The following GABRB1 variants were observed in gnomAD, a reference collection of about 807,000 sequenced individuals.
GABRB1 encodes the protein gamma-aminobutyric acid receptor subunit beta-1.
A neutral mutation model predicts 51.6 loss-of-function variants in GABRB1; 17 were observed. That is an observed-to-expected ratio of 0.33 (90% CI 0.23 to 0.49). The LOEUF (loss-of-function observed/expected upper bound fraction) is 0.49. Ranked by LOEUF, GABRB1 falls within the 20% of genes least tolerant of loss-of-function variation. The pLI is 0.99. For synonymous variants in GABRB1, 247 were observed against 218.9 expected (o/e 1.13, Z -1.14); for missense variants, 410 against 600.6 (o/e 0.68, Z 3.32).
At chr4:47,400,405 A>G (rs1239442019) in intron 5 of GABRB1, among the ~76,000 whole-genome samples, 2 of 151,860 alleles carry the variant, frequency 1.3e-5, no homozygotes, top group African/African-American at 2.4e-5. Context: ...CCTTATATGC[A>G]TTGTTATTTT....
At chr4:47,365,628 T>C (rs1354612559) in intron 5 of GABRB1, among the ~76,000 whole-genome samples, 1 of 152,182 alleles carries the variant, frequency 6.6e-6, no homozygotes, top group African/African-American at 2.4e-5. Flanking sequence ...TGGGCTTGTT[T>C]ACTCCGTGTC....
chr4:47,081,014 G>T (rs1022768955), intron 3 of GABRB1, among the ~76,000 whole-genome samples: 3 of 152,076 alleles, frequency 2.0e-5, no homozygotes, highest in African/African-American at 7.2e-5. Context: ...TCCAGAATCT[G>T]GGATAAAAAA....
chr4:47,059,499 A>G (rs1726758485), intron 3 of GABRB1, among the ~76,000 whole-genome samples: 1 of 152,190 alleles, frequency 6.6e-6, no homozygotes, highest in South Asian at 2.1e-4. Flanking sequence ...TGACAAATTC[A>G]TAGATGTAGC....
At chr4:47,209,429 A>C (rs1382014668) in intron 4 of GABRB1, among the ~76,000 whole-genome samples, 1 of 152,148 alleles carries the variant, frequency 6.6e-6, no homozygotes, top group Non-Finnish European at 1.5e-5. Context: ...TTAGACTCAA[A>C]TTTGATTCTA....
chr4:47,005,524 G>A (rs1229456713), intron 1 of GABRB1, among the ~76,000 whole-genome samples: 14 of 151,974 alleles, frequency 9.2e-5, no homozygotes, highest in Admixed American at 9.2e-4. Context: ...TGTGGTTTGA[G>A]CACAGTATCT....
At chr4:47,317,499 C>T (rs1025353680) in intron 4 of GABRB1, among the ~76,000 whole-genome samples, 2 of 151,740 alleles carry the variant, frequency 1.3e-5, no homozygotes, top group African/African-American at 4.8e-5. Flanking sequence ...ACAAAAGATA[C>T]ACTTAATAAA....
intron 4 of GABRB1, among the ~76,000 whole-genome samples, chr4:47,293,542 C>G (rs1229352376): frequency 1.3e-5 from 2 of 152,012 alleles, no homozygotes; most frequent in East Asian, 3.9e-4. Flanking sequence ...GTTTTAAATG[C>G]AAAAGATATC....
intron 8 of GABRB1, among the ~76,000 whole-genome samples, chr4:47,408,934 A>G (rs1728666986): frequency 6.6e-6 from 1 of 152,348 alleles, no homozygotes; most frequent in East Asian, 1.9e-4. Context: ...ATACTCAAAG[A>G]TAAGTACAAT....
rs1408228033 is a variant in GABRB1, at chr4:47,111,101, T to C, written c.241-50148T>C. On this transcript the variant is annotated intron_variant, in intron 3 of 8. Coordinates refer to ENST00000295454, the MANE Select transcript of GABRB1 (RefSeq NM_000812.4). Reference sequence around the variant, plus strand: ...AAAATATTGCATTAATTTTCAGTAGTTCTTCAAAAGATTTTATCTCTGTGT... The same window carrying C: ...AAAATATTGCATTAATTTTCAGTAGCTCTTCAAAAGATTTTATCTCTGTGT... 3.3e-5 allele frequency among the ~76,000 whole-genome samples: 5 copies of C among 152,332 alleles called. No homozygotes were observed. In the East Asian group the frequency reaches 5.8e-4, roughly 18 times the overall value.
chr4:47,388,653 G>A (rs1047233224), intron 5 of GABRB1, among the ~76,000 whole-genome samples: 11 of 152,158 alleles, frequency 7.2e-5, no homozygotes, highest in African/African-American at 2.2e-4. Flanking sequence ...AGAGAAAGAA[G>A]ACAGATAACC....
At chr4:47,280,856 A>G (rs1167366788) in intron 4 of GABRB1, among the ~76,000 whole-genome samples, 1 of 147,758 alleles carries the variant, frequency 6.8e-6, no homozygotes, top group East Asian at 1.9e-4. Context: ...AGTCTTGCTA[A>G]ATTGCCAGGC....
At chr4:47,371,565 G>T (rs1727198053) in intron 5 of GABRB1, among the ~76,000 whole-genome samples, 1 of 152,200 alleles carries the variant, frequency 6.6e-6, no homozygotes, top group Non-Finnish European at 1.5e-5. Flanking sequence ...CAGTGTAAAA[G>T]TGTTCCTTTT....
At chr4:47,405,295 G>A (rs1407488355) in intron 7 of GABRB1, among the ~76,000 whole-genome samples, 3 of 152,134 alleles carry the variant, frequency 2.0e-5, no homozygotes, top group Admixed American at 2.0e-4. Flanking sequence ...TCTAAAAGTT[G>A]AATAGTCAAA....
intron 5 of GABRB1, among the ~76,000 whole-genome samples, chr4:47,396,375 G>T (rs576035787): frequency 1.4e-4 from 22 of 152,116 alleles, no homozygotes; most frequent in Non-Finnish European, 2.8e-4. Flanking sequence ...AATTATGGGA[G>T]TACAAATCAA....
intron 4 of GABRB1, among the ~76,000 whole-genome samples, chr4:47,272,970 GTTACTGTAATGATGAGT>G (rs1483149709): frequency 6.3e-5 from 2 of 31,852 alleles, no homozygotes; most frequent in African/African-American, 4.7e-4. Context: ...GATGTGAACC[GTTACTGTAATGATGAGT>G]TCACTGTAGT....
At chr4:47,122,991 T>G (rs1260470047) in intron 3 of GABRB1, among the ~76,000 whole-genome samples, 1 of 152,050 alleles carries the variant, frequency 6.6e-6, no homozygotes, top group Non-Finnish European at 1.5e-5. Context: ...AAACAGAAAT[T>G]TAATAGCTGT....
chr4:47,271,315 T>G (rs1722864438), intron 4 of GABRB1, among the ~76,000 whole-genome samples: 1 of 152,162 alleles, frequency 6.6e-6, no homozygotes, highest in African/African-American at 2.4e-5. Flanking sequence ...AAAAGGTTTA[T>G]TGCCTAAAAT....
chr4:47,361,106 T>C (rs1726790429), intron 5 of GABRB1, among the ~76,000 whole-genome samples: 1 of 152,038 alleles, frequency 6.6e-6, no homozygotes, highest in Non-Finnish European at 1.5e-5. Context: ...AACCACCATA[T>C]AATGAAGACT....
intron 4 of GABRB1, among the ~76,000 whole-genome samples, chr4:47,281,711 G>T (rs1455978116): frequency 6.6e-6 from 1 of 152,106 alleles, no homozygotes; most frequent in African/African-American, 2.4e-5. Flanking sequence ...ATATTATTTA[G>T]CTTTTAAAAA....
Sources: allele counts gnomAD v4.1 joint callset (sites outside exome capture counted in the v4.1 genomes callset), GRCh38; gene constraint gnomAD v4.1.1; transcripts MANE v1.5; gene names NCBI Gene and HGNC (gene_info 2026-07-23, HGNC 2026-07-21).